AVEN: variants seen among roughly 807,000 people sequenced by gnomAD.
AVEN encodes the protein cell death regulator Aven.
Under a neutral mutation model 38.1 loss-of-function variants are expected in AVEN, and 41 were observed. The ratio of observed to expected loss-of-function variants is 1.08; its 90% CI spans 0.84 to 1.40. The LOEUF is 1.40. Ranked by LOEUF, AVEN falls within the 40% of genes most tolerant of loss-of-function variation. The pLI, the probability that AVEN is intolerant of heterozygous loss-of-function variation, is 0.00. For synonymous variants in AVEN, 206 were observed against 171.8 expected (o/e 1.20, Z -1.56); for missense variants, 605 against 438.8 (o/e 1.38, Z -3.38).
chr15:33,858,010 G>A, downstream of AVEN: 2 of 1,475,648 alleles, frequency 1.4e-6, no homozygotes, highest in Non-Finnish European at 1.8e-6. Flanking sequence ...GGGTGCTCTT[G>A]AGAACTGTAG....
intron 5 of AVEN, 112 bp downstream of exon 5, chr15:33,867,383 A>G: frequency 7.1e-7 from 1 of 1,415,174 alleles, no homozygotes; most frequent in East Asian, 2.3e-5. Context: ...AGTGGACAAC[A>G]CTGGATCAAT....
At chr15:34,027,258 T>C (rs1417224277) in intron 1 of AVEN, among the ~76,000 whole-genome samples, 1 of 152,138 alleles carries the variant, frequency 6.6e-6, no homozygotes, top group Non-Finnish European at 1.5e-5. Context: ...CTCATACCTG[T>C]AATCCTAGCA....
intron 2 of AVEN, among the ~76,000 whole-genome samples, chr15:33,956,134 C>T (rs1215463323): frequency 2.0e-5 from 3 of 152,114 alleles, no homozygotes; most frequent in Non-Finnish European, 2.9e-5. Flanking sequence ...GTAGTTATTG[C>T]GTGTAGCTAT....
At chr15:33,913,852 T>C (rs1164106997) in intron 2 of AVEN, among the ~76,000 whole-genome samples, 2 of 152,182 alleles carry the variant, frequency 1.3e-5, no homozygotes, top group African/African-American at 4.8e-5. Context: ...TAAGGATATC[T>C]CAACAATATC....
chr15:34,004,979 A>T (rs1026515972), intron 1 of AVEN, among the ~76,000 whole-genome samples: 2 of 151,892 alleles, frequency 1.3e-5, no homozygotes, highest in African/African-American at 4.8e-5. Flanking sequence ...CTTAAAAAAA[A>T]TAATGAGCTT....
intron 5 of AVEN, among the ~76,000 whole-genome samples, chr15:34,055,226 C>T (rs1012752852): frequency 7.3e-5 from 11 of 151,430 alleles, no homozygotes; most frequent in African/African-American, 1.2e-4. Flanking sequence ...AGGCCAGGCC[C>T]GGTAGCTCGC....
chr15:34,039,748 C>T (rs1001634660), upstream of AVEN, among the ~76,000 whole-genome samples: 2 of 152,250 alleles, frequency 1.3e-5, no homozygotes, highest in African/African-American at 4.8e-5. Context: ...TTATTGAGCA[C>T]ATGAGTATTT....
chr15:33,918,886 C>T (rs1385736201), intron 2 of AVEN, among the ~76,000 whole-genome samples: 1 of 150,854 alleles, frequency 6.6e-6, no homozygotes, highest in Non-Finnish European at 1.5e-5. Context: ...GCCATCTGGT[C>T]ATCAAACACA....
rs371377879 is a variant in AVEN at position 33,957,688 on chromosome 15, C to T, written c.445+45344G>A. Among the ~76,000 whole-genome samples the T allele has an allele frequency of 3.4e-5, 5 of 147,588 alleles. No individual in the cohort carries two copies. The East Asian group carries it at 5.9e-4, about 17-fold the overall frequency. On this transcript the variant is annotated intron_variant, in intron 2 of 5. Transcript: ENST00000306730. ...GTAAAAAGGAATAAACCCCATGCAA[C>T]AACATAGGGGAATCTCAAAATCATT... is the stretch of plus-strand genomic sequence containing the variant.
At chr15:34,070,782 A>G (rs980734570) in intron 1 of AVEN, among the ~76,000 whole-genome samples, 1 of 152,256 alleles carries the variant, frequency 6.6e-6, no homozygotes, top group Non-Finnish European at 1.5e-5. Context: ...ACACTGTTAA[A>G]TATTCACATT....
chr15:34,068,372 A>G (rs971978435), intron 2 of AVEN, among the ~76,000 whole-genome samples: 8 of 151,484 alleles, frequency 5.3e-5, no homozygotes. Flanking sequence ...CGCCAGGTTA[A>G]TTTTTTCTAC....
intron 3 of AVEN, among the ~76,000 whole-genome samples, chr15:33,875,545 T>TATA (rs1891185129): frequency 6.6e-6 from 1 of 152,208 alleles, no homozygotes; most frequent in Non-Finnish European, 1.5e-5. Flanking sequence ...AAGGGTTTTC[T>TATA]CAACCTAACA....
At chr15:33,987,067 T>C (rs10519901) in intron 2 of AVEN, among the ~76,000 whole-genome samples, 11,666 of 152,300 alleles carry the variant, frequency 0.077, 586 homozygotes, top group South Asian at 0.21. Flanking sequence ...CACCACTCAA[T>C]GCCTCTAAAT....
chr15:33,854,836 C>T, downstream of AVEN: 7 of 1,613,902 alleles, frequency 4.3e-6, no homozygotes, highest in Non-Finnish European at 5.9e-6. Flanking sequence ...TTCTTTGCTG[C>T]TCACCTATTG....
intron 11 of AVEN, among the ~76,000 whole-genome samples, chr15:33,860,823 C>G (rs1887916520): frequency 6.6e-6 from 1 of 150,942 alleles, no homozygotes; most frequent in South Asian, 2.1e-4. Flanking sequence ...CCCTGCCAGG[C>G]CGGCCACTCT....
intron 2 of AVEN, among the ~76,000 whole-genome samples, chr15:33,931,556 G>A (rs1026142346): frequency 2.0e-5 from 3 of 151,702 alleles, no homozygotes; most frequent in Admixed American, 6.6e-5. Context: ...ATTTTTAGTA[G>A]AGGCGGGGTT....
intron 2 of AVEN, among the ~76,000 whole-genome samples, chr15:33,911,440 A>G (rs1243031949): frequency 6.6e-6 from 1 of 152,238 alleles, no homozygotes; most frequent in Admixed American, 6.5e-5. Flanking sequence ...AATACTTTAC[A>G]TACCCTGTTC....
chr15:33,959,967 A>G (rs1044672492), intron 2 of AVEN, among the ~76,000 whole-genome samples: 8 of 152,184 alleles, frequency 5.3e-5, no homozygotes, highest in African/African-American at 1.9e-4. Flanking sequence ...GAACTCCAAC[A>G]TCTGTGCAGT....
At chr15:33,977,433 T>C (rs1472348798) in intron 2 of AVEN, among the ~76,000 whole-genome samples, 1 of 152,196 alleles carries the variant, frequency 6.6e-6, no homozygotes, top group African/African-American at 2.4e-5. Context: ...CATAAAATAC[T>C]GCATATTATA....
Sources: gnomAD v4.1 joint callset for allele counts (sites outside exome capture counted in the v4.1 genomes callset) on GRCh38, gnomAD v4.1.1 for gene constraint, MANE v1.5 for transcripts, NCBI Gene and HGNC (gene_info 2026-07-23, HGNC 2026-07-21) for gene names.